The following GALNT7 variants were observed in gnomAD, a reference collection of about 807,000 sequenced individuals.
The protein encoded by GALNT7 is N-acetylgalactosaminyltransferase 7.
A neutral mutation model predicts 82.1 loss-of-function variants in GALNT7; 60 were observed. The observed-to-expected ratio is 0.73, with a 90% CI of 0.59 to 0.91. The LOEUF (loss-of-function observed/expected upper bound fraction) is 0.91. Ranked by LOEUF, GALNT7 falls within the 40% of genes least tolerant of loss-of-function variation. The pLI is 0.00. For synonymous variants in GALNT7, 243 were observed against 275.1 expected (o/e 0.88, Z 1.15); for missense variants, 660 against 804.2 (o/e 0.82, Z 2.17).
At chr4:173,241,839 C>G (rs1227994474) in intron 1 of GALNT7, among the ~76,000 whole-genome samples, 1 of 152,080 alleles carries the variant, frequency 6.6e-6, no homozygotes, top group East Asian at 1.9e-4. Context: ...TCAAAATGCC[C>G]CCTTAGAAAC....
intron 1 of GALNT7, among the ~76,000 whole-genome samples, chr4:173,178,087 A>C (rs1166963600): frequency 6.7e-6 from 1 of 149,490 alleles, no homozygotes; most frequent in African/African-American, 2.5e-5. Flanking sequence ...ACCTATGTAT[A>C]TATATTTTAG....
intron 2 of GALNT7, among the ~76,000 whole-genome samples, chr4:173,261,044 C>T (rs183546334): frequency 6.6e-6 from 1 of 152,316 alleles, no homozygotes; most frequent in East Asian, 1.9e-4. Context: ...TGTCCCACAT[C>T]ATTTATTGTC....
At chr4:173,184,354 A>C (rs1276858374) in intron 1 of GALNT7, among the ~76,000 whole-genome samples, 3 of 152,062 alleles carry the variant, frequency 2.0e-5, no homozygotes, top group South Asian at 2.1e-4. Context: ...CCCTGCACCT[A>C]GGGAGGCTGA....
rs1435966598 is a variant in GALNT7 at position 173,280,807 on chromosome 4, G to A, written c.588-11301G>A. 2.0e-5 allele frequency among the ~76,000 whole-genome samples: 3 copies of A among 152,150 alleles called. No individual in the cohort carries two copies. In the East Asian group the frequency reaches 5.8e-4, roughly 29 times the overall value. On this transcript the variant is annotated intron_variant, in intron 2 of 11. Transcript: ENST00000265000. The stretch of plus-strand genomic sequence containing the variant: ...ATAGGGGGTTTTACCTCAATACAAT[G>A]GGCATTTCTTTCTTACTAAATCTTA...
chr4:173,198,711 G>C (rs17059201), intron 1 of GALNT7, among the ~76,000 whole-genome samples: 5,107 of 152,272 alleles, frequency 0.034, 281 homozygotes, highest in African/African-American at 0.11. Context: ...TATTATTTCA[G>C]TAAATGTTGG....
chr4:173,294,035 C>T (rs1736630902), intron 3 of GALNT7, among the ~76,000 whole-genome samples: 2 of 152,160 alleles, frequency 1.3e-5, no homozygotes, highest in Non-Finnish European at 1.5e-5. Flanking sequence ...GAGCCCTTAA[C>T]ACAGTGTACC....
rs534893963 is a variant in GALNT7 at position 173,171,995 on chromosome 4, GATTCTT to G, written c.126+3036_126+3041del. On this transcript the variant is annotated intron_variant, in intron 1 of 11. Transcript: ENST00000265000. ...AATCCACACAGGTCTGAAGCAACTC[GATTCTT>G]ACCTCCTGTGGGAAAGAATTTATTG... 4.2e-3 allele frequency among the ~76,000 whole-genome samples: 636 copies of G among 152,318 alleles called. 3 individuals carry two copies. The highest frequency in any genetic ancestry group is 0.02 in the Middle Eastern group (6 of 294).
chr4:173,275,612 C>G (rs985834601), intron 2 of GALNT7, among the ~76,000 whole-genome samples: 1 of 152,160 alleles, frequency 6.6e-6, no homozygotes, highest in Non-Finnish European at 1.5e-5. Context: ...AGCTTTCCAG[C>G]CCTAGGATTC....
intron 1 of GALNT7, 182 bp downstream of exon 1, chr4:173,169,143 C>A: frequency 3.4e-6 from 1 of 296,952 alleles, no homozygotes; most frequent in Non-Finnish European, 5.9e-6. Flanking sequence ...ACCTCCCTGG[C>A]CGCCGCCGGC....
chr4:173,232,401 C>T (rs950536717), intron 1 of GALNT7, among the ~76,000 whole-genome samples: 1 of 151,590 alleles, frequency 6.6e-6, no homozygotes, highest in South Asian at 2.1e-4. Flanking sequence ...GTGTAATGAT[C>T]AAATCAGGGT....
intron 1 of GALNT7, among the ~76,000 whole-genome samples, chr4:173,210,643 A>G (rs1209907043): frequency 6.6e-6 from 1 of 151,882 alleles, no homozygotes; most frequent in Non-Finnish European, 1.5e-5. Context: ...ACGTTGCCCA[A>G]GCTGGTCTGG....
chr4:173,276,715 G>A (rs1475451666), intron 2 of GALNT7, among the ~76,000 whole-genome samples: 1 of 152,134 alleles, frequency 6.6e-6, no homozygotes, highest in African/African-American at 2.4e-5. Flanking sequence ...AAACTGTAAG[G>A]CATCAGCCAT....
chr4:173,228,448 T>C (rs1733910525), intron 1 of GALNT7, among the ~76,000 whole-genome samples: 1 of 151,986 alleles, frequency 6.6e-6, no homozygotes, highest in Non-Finnish European at 1.5e-5. Context: ...TATAATTATA[T>C]ACTATTCAGT....
chr4:173,181,322 AT>A (rs1457268979), intron 1 of GALNT7, among the ~76,000 whole-genome samples: 5 of 152,208 alleles, frequency 3.3e-5, no homozygotes. Context: ...CTCAGAGGAA[AT>A]TCTAAGTCCA....
chr4:173,301,646 AC>A (rs1736940820), intron 6 of GALNT7, among the ~76,000 whole-genome samples: 1 of 152,322 alleles, frequency 6.6e-6, no homozygotes, highest in South Asian at 2.1e-4. Context: ...GGTTTTGTTC[AC>A]CCAAGAATGA....
At chr4:173,277,244 T>C (rs2126800352) in intron 2 of GALNT7, among the ~76,000 whole-genome samples, 1 of 152,316 alleles carries the variant, frequency 6.6e-6, no homozygotes, top group Non-Finnish European at 1.5e-5. Context: ...TGAAAGGATA[T>C]ATGAGTATCT....
At chr4:173,312,734 T>C (rs534065456) in intron 8 of GALNT7, among the ~76,000 whole-genome samples, 56 of 152,354 alleles carry the variant, frequency 3.7e-4, no homozygotes, top group African/African-American at 1.3e-3. Context: ...GTCAGCATAT[T>C]TTATTGCTCT....
chr4:173,182,295 T>C (rs1456227668), intron 1 of GALNT7, among the ~76,000 whole-genome samples: 2 of 152,224 alleles, frequency 1.3e-5, no homozygotes, highest in African/African-American at 4.8e-5. Context: ...TTTTTAAATA[T>C]AGAAAATTAG....
intron 1 of GALNT7, among the ~76,000 whole-genome samples, chr4:173,224,965 A>G (rs925795555): frequency 1.1e-4 from 17 of 151,618 alleles, no homozygotes; most frequent in African/African-American, 3.6e-4. Context: ...CAGTGAGCCG[A>G]AATTGTGCCA....
Sources: gnomAD v4.1 joint callset for allele counts (sites outside exome capture counted in the v4.1 genomes callset) on GRCh38, gnomAD v4.1.1 for gene constraint, MANE v1.5 for transcripts, NCBI Gene and HGNC (gene_info 2026-07-23, HGNC 2026-07-21) for gene names.